Variants in AUH observed in about 807,000 individuals in gnomAD.
AUH encodes the protein AU RNA binding methylglutaconyl-CoA hydratase.
In AUH, 29 loss-of-function variants were observed where a neutral mutation model predicts 42.3. That is an observed-to-expected ratio of 0.69 (90% CI 0.51 to 0.93). The LOEUF (loss-of-function observed/expected upper bound fraction) is 0.93, where lower values mean the gene tolerates loss of function less well. Ranked by LOEUF, AUH falls within the 40% of genes least tolerant of loss-of-function variation. AUH has a pLI of 0.00. For missense variants in AUH, 452 were observed against 438.1 expected, an observed-to-expected ratio of 1.03 and a Z score of -0.28; for synonymous variants, 174 against 166.4, an observed-to-expected ratio of 1.05 and a Z score of -0.35.
At chr9:91,329,316 A>C (rs28798129) in intron 3 of AUH, among the ~76,000 whole-genome samples, 2 of 151,752 alleles carry the variant, frequency 1.3e-5, no homozygotes, top group Non-Finnish European at 2.9e-5. Flanking sequence ...AAAAAAAAAA[A>C]CAAAAACCCT....
intron 6 of AUH, among the ~76,000 whole-genome samples, chr9:91,288,279 G>A (rs1826577845): frequency 6.6e-6 from 1 of 152,116 alleles, no homozygotes; most frequent in African/African-American, 2.4e-5. Context: ...CAAATAAAAG[G>A]ATCTTAATCC....
chr9:91,218,835 T>A (rs940653309), intron 7 of AUH: 3 of 985,260 alleles, frequency 3.0e-6, no homozygotes, highest in Admixed American at 6.1e-5. Flanking sequence ...GTAACAAACA[T>A]AAAAATAAAG....
rs753287540 is a variant in AUH at position 91,296,085 on chromosome 9, G to A, written c.599-8C>T. ...CCATTTTTGCAGAGGAAGCTAAAAC[G>A]AAAGAAAGAAAATTAAGTATCATCC... On this transcript the variant is annotated splice_polypyrimidine_tract_variant and splice_region_variant and intron_variant, in intron 5 of 9. Transcript: ENST00000375731. The A allele has an allele frequency of 2.2e-5, 36 of 1,613,206 alleles. No individual in the cohort carries two copies. The highest frequency in any genetic ancestry group is 6.6e-5 in the South Asian group (6 of 91,024).
At chr9:91,216,900 A>C (rs1826852767) in intron 8 of AUH, among the ~76,000 whole-genome samples, 1 of 152,228 alleles carries the variant, frequency 6.6e-6, no homozygotes, top group African/African-American at 2.4e-5. Flanking sequence ...GGAAAGAGCT[A>C]GCTGTTCTTG....
At chr9:91,343,769 A>G (rs1253867737) in intron 3 of AUH, among the ~76,000 whole-genome samples, 2 of 152,218 alleles carry the variant, frequency 1.3e-5, no homozygotes, top group Non-Finnish European at 2.9e-5. Flanking sequence ...ATATCATTAT[A>G]GATTCAATGT....
At chr9:91,268,580 G>A (rs976362261) in intron 6 of AUH, among the ~76,000 whole-genome samples, 8 of 152,066 alleles carry the variant, frequency 5.3e-5, no homozygotes, top group Non-Finnish European at 8.8e-5. Context: ...ACAGGCGCAC[G>A]CTGCCACATC....
intron 4 of AUH, among the ~76,000 whole-genome samples, chr9:91,303,242 G>T (rs1457039122): frequency 6.6e-6 from 1 of 152,070 alleles, no homozygotes; most frequent in African/African-American, 2.4e-5. Context: ...TCGATTCTCA[G>T]ATAAATACAA....
At chr9:91,327,982 T>C (rs1758187303) in intron 3 of AUH, among the ~76,000 whole-genome samples, 1 of 152,224 alleles carries the variant, frequency 6.6e-6, no homozygotes, top group South Asian at 2.1e-4. Context: ...GGGATTCAAG[T>C]GGGCGCGAAC....
At chr9:91,250,831 G>A (rs1245804355) in intron 6 of AUH, among the ~76,000 whole-genome samples, 1 of 152,244 alleles carries the variant, frequency 6.6e-6, no homozygotes, top group African/African-American at 2.4e-5. Context: ...GACTGCGGAT[G>A]ACCAAGTGTG....
At position 91,294,089 on chromosome 9, in the gene AUH, C is replaced by CA. The variant is rs566789402; in HGVS notation, c.655+1931dup. Among the ~76,000 whole-genome samples, 328 of 151,812 alleles carry CA rather than the reference C, an allele frequency of 2.2e-3. 1 individual carries two copies. The highest frequency in any genetic ancestry group is 5.9e-3 in the African/African-American group (246 of 41,404). On this transcript the variant is annotated intron_variant, in intron 6 of 9. Transcript: ENST00000375731. ...AAGCCCACTGCTGAGACCTACTGCT[C>CA]AAAAAAAAGAGTTCTTTCAAAATAT...
chr9:91,321,601 T>C (rs546114636), intron 4 of AUH, among the ~76,000 whole-genome samples: 5 of 152,086 alleles, frequency 3.3e-5, no homozygotes, highest in Non-Finnish European at 4.4e-5. Flanking sequence ...TGAATAAATA[T>C]AGAGGAATTA....
At chr9:91,345,542 A>G (rs950484999) in intron 3 of AUH, among the ~76,000 whole-genome samples, 1 of 152,148 alleles carries the variant, frequency 6.6e-6, no homozygotes, top group Non-Finnish European at 1.5e-5. Flanking sequence ...CATTAAAAAT[A>G]CCCAGAGAAG....
At chr9:91,306,427 C>G (rs777552036) in intron 4 of AUH, 264 of 970,836 alleles carry the variant, frequency 2.7e-4, no homozygotes, top group Non-Finnish European at 3.1e-4. Flanking sequence ...GCAGTCACTT[C>G]TATTTCTGAT....
chr9:91,215,593 A>G (rs1439385559), intron 9 of AUH, among the ~76,000 whole-genome samples: 7 of 152,176 alleles, frequency 4.6e-5, no homozygotes, highest in Non-Finnish European at 7.3e-5. Flanking sequence ...TTACAGATGA[A>G]AAGGGCCGAC....
At chr9:91,276,161 G>A (rs1211327060) in intron 6 of AUH, among the ~76,000 whole-genome samples, 4 of 152,110 alleles carry the variant, frequency 2.6e-5, no homozygotes, top group African/African-American at 9.7e-5. Context: ...GAGCGCGGTG[G>A]CTCATGCCTA....
chr9:91,282,499 T>C (rs1023519397), intron 6 of AUH, among the ~76,000 whole-genome samples: 1 of 152,108 alleles, frequency 6.6e-6, no homozygotes, highest in South Asian at 2.1e-4. Flanking sequence ...ACTCAACAAA[T>C]GTCTGCTAAG....
intron 6 of AUH, among the ~76,000 whole-genome samples, chr9:91,250,846 C>G (rs1829086622): frequency 1.3e-5 from 2 of 152,310 alleles, no homozygotes; most frequent in South Asian, 2.1e-4. Flanking sequence ...AGTGTGAGCT[C>G]CCTGTTTCCT....
At chr9:91,302,459 C>T (rs1288089984) in intron 4 of AUH, among the ~76,000 whole-genome samples, 1 of 152,132 alleles carries the variant, frequency 6.6e-6, no homozygotes, top group African/African-American at 2.4e-5. Flanking sequence ...CGTGGTGGTA[C>T]ATGACTGTAA....
intron 4 of AUH, 52 bp downstream of exon 4, chr9:91,325,266 G>T: frequency 7.1e-7 from 1 of 1,414,642 alleles, no homozygotes; most frequent in Non-Finnish European, 1.0e-6. Context: ...TTTTAAATGT[G>T]ACATTTAAGA....
Sources: gnomAD v4.1 joint callset for allele counts (sites outside exome capture counted in the v4.1 genomes callset) on GRCh38, gnomAD v4.1.1 for gene constraint, MANE v1.5 for transcripts, NCBI Gene and HGNC (gene_info 2026-07-23, HGNC 2026-07-21) for gene names.